SLC24A2: variants seen among roughly 807,000 people sequenced by gnomAD.
SLC24A2 encodes the protein sodium/potassium/calcium exchanger 2.
A neutral mutation model predicts 62.0 loss-of-function variants in SLC24A2; 36 were observed. The observed-to-expected ratio is 0.58, with a 90% CI of 0.44 to 0.77. SLC24A2 has a LOEUF of 0.77. SLC24A2 is among the 30% of genes least tolerant of loss of function. The pLI is 0.00. For synonymous variants in SLC24A2, 358 were observed against 294.0 expected (o/e 1.22, Z -2.23); for missense variants, 846 against 817.9 (o/e 1.03, Z -0.42).
the SLC24A2 span, among the ~76,000 whole-genome samples, chr9:19,905,487 C>G: frequency 6.6e-6 from 1 of 151,376 alleles, no homozygotes; most frequent in Non-Finnish European, 1.5e-5. Flanking sequence ...AGGCTCAACA[C>G]AACCTCTGCT....
At chr9:20,139,620 G>C in the SLC24A2 span, among the ~76,000 whole-genome samples, 2 of 152,298 alleles carry the variant, frequency 1.3e-5, no homozygotes, top group East Asian at 1.9e-4. Flanking sequence ...CTATGTGCAA[G>C]ATGCTGTGCT....
chr9:19,513,924 G>T lies in SLC24A2; in HGVS notation c.*2229C>A, dbSNP rs1335388410. The T allele has an allele frequency of 6.6e-6, 1 of 152,212 alleles. No individual in the cohort carries two copies. The highest frequency in any genetic ancestry group is 1.5e-5 in the Non-Finnish European group (1 of 68,044). 9.4% of individuals were successfully genotyped at this position (152,212 alleles called of 1,614,324 possible). On this transcript the variant is annotated 3_prime_UTR_variant, in exon 11 of 11. Coordinates refer to ENST00000341998, the MANE Select transcript of SLC24A2 (RefSeq NM_020344.4). ...CCCAGTACAAAGTCCTGACCTTGAT[G>T]AATGAGATTCATTCCCATTAGGTGG...
chr9:20,119,064 A>G, the SLC24A2 span, among the ~76,000 whole-genome samples: 5 of 152,204 alleles, frequency 3.3e-5, no homozygotes. Flanking sequence ...AAATGAACGC[A>G]GCCTTCAAGA....
At chr9:19,914,959 T>C in the SLC24A2 span, among the ~76,000 whole-genome samples, 1 of 152,256 alleles carries the variant, frequency 6.6e-6, no homozygotes, top group African/African-American at 2.4e-5. Flanking sequence ...AAAAGATTGA[T>C]ATAAAAGTCA....
chr9:19,944,290 C>A, the SLC24A2 span, among the ~76,000 whole-genome samples: 2 of 151,962 alleles, frequency 1.3e-5, no homozygotes, highest in South Asian at 4.2e-4. Context: ...ACGGCAAAAT[C>A]AAAGTTTAAA....
the SLC24A2 span, among the ~76,000 whole-genome samples, chr9:20,050,240 C>CGAAAAA: frequency 1.8e-4 from 11 of 59,552 alleles, no homozygotes; most frequent in African/African-American, 3.6e-4. Flanking sequence ...CCCGTCTCTA[C>CGAAAAA]AAAAAAAAAA....
the SLC24A2 span, among the ~76,000 whole-genome samples, chr9:20,095,499 C>G: frequency 6.6e-6 from 1 of 152,188 alleles, no homozygotes; most frequent in Non-Finnish European, 1.5e-5. Flanking sequence ...CTGAATAGAA[C>G]TAAAAATCTG....
At chr9:19,958,612 C>G in the SLC24A2 span, among the ~76,000 whole-genome samples, 1 of 152,178 alleles carries the variant, frequency 6.6e-6, no homozygotes, top group African/African-American at 2.4e-5. Flanking sequence ...TGACACTGAA[C>G]AAGACACAAT....
At chr9:19,771,633 G>C (rs1280974535) in intron 2 of SLC24A2, among the ~76,000 whole-genome samples, 1 of 152,148 alleles carries the variant, frequency 6.6e-6, no homozygotes, top group East Asian at 1.9e-4. Context: ...AGCTAGAAAC[G>C]AGAGCGAGGA....
At chr9:19,703,989 C>A (rs1235776883) in intron 2 of SLC24A2, among the ~76,000 whole-genome samples, 1 of 152,132 alleles carries the variant, frequency 6.6e-6, no homozygotes, top group Non-Finnish European at 1.5e-5. Flanking sequence ...CCTAGCAGGG[C>A]AATTGGAAAT....
chr9:19,979,770 C>G, the SLC24A2 span, among the ~76,000 whole-genome samples: 1 of 152,210 alleles, frequency 6.6e-6, no homozygotes, highest in African/African-American at 2.4e-5. Flanking sequence ...TGCCATAAGA[C>G]ATAGAGATGA....
At chr9:20,195,664 C>A in the SLC24A2 span, among the ~76,000 whole-genome samples, 1 of 152,088 alleles carries the variant, frequency 6.6e-6, no homozygotes, top group Non-Finnish European at 1.5e-5. Flanking sequence ...TCCAGCCTGC[C>A]TATGAGTTTG....
the SLC24A2 span, among the ~76,000 whole-genome samples, chr9:20,146,605 C>G: frequency 6.6e-6 from 1 of 152,024 alleles, no homozygotes; most frequent in Non-Finnish European, 1.5e-5. Flanking sequence ...TGTAAATCCT[C>G]CCTGAGATAT....
the SLC24A2 span, among the ~76,000 whole-genome samples, chr9:20,025,295 C>T: frequency 2.0e-5 from 3 of 152,112 alleles, no homozygotes; most frequent in Non-Finnish European, 2.9e-5. Context: ...CAGCTCCTAA[C>T]ACTTGGTCAC....
At chr9:20,042,662 C>T in the SLC24A2 span, among the ~76,000 whole-genome samples, 4 of 152,246 alleles carry the variant, frequency 2.6e-5, no homozygotes, top group Middle Eastern at 6.8e-3. Flanking sequence ...TTTTATTGTG[C>T]TTTGCTTTAT....
At chr9:19,859,068 T>G in the SLC24A2 span, among the ~76,000 whole-genome samples, 156 of 152,232 alleles carry the variant, frequency 1.0e-3, no homozygotes, top group African/African-American at 3.6e-3. Context: ...GCAGCACTAG[T>G]CATAATAATA....
intron 2 of SLC24A2, among the ~76,000 whole-genome samples, chr9:19,630,926 C>G (rs562089497): frequency 9.8e-5 from 15 of 152,302 alleles, no homozygotes; most frequent in African/African-American, 3.6e-4. Flanking sequence ...TAAACTCATT[C>G]ATGTCACGAA....
chr9:20,171,649 T>C, the SLC24A2 span, among the ~76,000 whole-genome samples: 42 of 152,124 alleles, frequency 2.8e-4, no homozygotes, highest in East Asian at 7.0e-3. Flanking sequence ...TAAAAGGCCT[T>C]ATCCAACAGG....
chr9:20,022,330 A>C, the SLC24A2 span, among the ~76,000 whole-genome samples: 5 of 152,246 alleles, frequency 3.3e-5, no homozygotes, highest in Admixed American at 3.3e-4. Context: ...TTTTAAAGCC[A>C]ATTCATAGAT....
Sources: allele counts gnomAD v4.1 joint callset (sites outside exome capture counted in the v4.1 genomes callset), GRCh38; gene constraint gnomAD v4.1.1; transcripts MANE v1.5; gene names NCBI Gene and HGNC (gene_info 2026-07-23, HGNC 2026-07-21).